Variants in GSE1 observed in about 807,000 individuals in gnomAD.
The protein encoded by GSE1 is Gse1 coiled-coil protein.
Under a neutral mutation model 112.6 loss-of-function variants are expected in GSE1, and 32 were observed. That is an observed-to-expected ratio of 0.28 (90% CI 0.21 to 0.38). The LOEUF (loss-of-function observed/expected upper bound fraction) is 0.38. Among genes scored for constraint, GSE1 ranks in the 10% least tolerant of loss-of-function variants. The probability of loss-of-function intolerance (pLI) is 1.00; values close to 1 mark genes in which losing one functional copy is unlikely to be tolerated. For synonymous variants in GSE1, 1,115 were observed against 735.6 expected (o/e 1.52, Z -8.35); for missense variants, 2,348 against 1,699.2 (o/e 1.38, Z -6.71).
intron 1 of GSE1, among the ~76,000 whole-genome samples, chr16:85,210,438 A>C (rs1210666434): frequency 6.6e-6 from 1 of 152,146 alleles, no homozygotes; most frequent in African/African-American, 2.4e-5. Flanking sequence ...CCCCATTTCT[A>C]CAAAAAAATT....
chr16:85,303,592 G>C (rs2045584843), intron 1 of GSE1, among the ~76,000 whole-genome samples: 1 of 152,226 alleles, frequency 6.6e-6, no homozygotes, highest in Non-Finnish European at 1.5e-5. Flanking sequence ...CCATTTTGTT[G>C]ACAGGAAGAC....
chr16:85,304,757 C>T (rs2045629569), intron 1 of GSE1, among the ~76,000 whole-genome samples: 1 of 152,178 alleles, frequency 6.6e-6, no homozygotes, highest in Non-Finnish European at 1.5e-5. Context: ...AGGGCCCTCT[C>T]GACTTCACTG....
intron 1 of GSE1, among the ~76,000 whole-genome samples, chr16:85,577,550 G>T (rs574535270): frequency 1.3e-5 from 2 of 152,132 alleles, no homozygotes; most frequent in Non-Finnish European, 2.9e-5. Context: ...TTTCTCCTTC[G>T]CACTAGCCCA....
chr16:85,461,108 C>T (rs2049955905), intron 2 of GSE1, among the ~76,000 whole-genome samples: 1 of 152,220 alleles, frequency 6.6e-6, no homozygotes, highest in Non-Finnish European at 1.5e-5. Context: ...GAGCTGGGCG[C>T]AGTGGAGGAC....
At position 85,666,232 on chromosome 16, in the gene GSE1, C is replaced by T. The variant is rs1230969950; in HGVS notation, c.3015C>T (p.Ser1005=). The T allele has an allele frequency of 3.1e-6, 5 of 1,613,618 alleles. No individual in the cohort carries two copies. The highest frequency in any genetic ancestry group is 1.3e-5 in the African/African-American group (1 of 74,934). The change falls in exon 13 of 16, where the codon TCC becomes TCT. Residue 1005 remains serine, a synonymous_variant. Coordinates refer to ENST00000253458, the MANE Select transcript of GSE1 (RefSeq NM_014615.5). ...AAPKDIPVPL[S]HSTNGKSKPW... is the part of the protein sequence containing the mutation. ...CCAAGGACATTCCTGTGCCGCTGTC[C>T]CACAGCACCAATGGGAAGAGCAAGC...
intron 1 of GSE1, among the ~76,000 whole-genome samples, chr16:85,332,191 C>T (rs1189621155): frequency 1.3e-5 from 2 of 152,132 alleles, no homozygotes; most frequent in Non-Finnish European, 2.9e-5. Flanking sequence ...AGGTAAAAAG[C>T]ACAACACCGC....
At chr16:85,576,593 C>T (rs2046237326) in intron 1 of GSE1, among the ~76,000 whole-genome samples, 1 of 152,176 alleles carries the variant, frequency 6.6e-6, no homozygotes, top group African/African-American at 2.4e-5. Flanking sequence ...GTCCCCAGAC[C>T]CTTTCTTCCT....
At chr16:85,369,225 C>CT (rs35586031) in intron 2 of GSE1, among the ~76,000 whole-genome samples, 90,884 of 151,254 alleles carry the variant, frequency 0.6, 29,050 homozygotes, top group Middle Eastern at 0.73. Flanking sequence ...TTGCTGCTGC[C>CT]TTTTTTTTGA....
At chr16:85,234,664 G>C (rs1904407709) in intron 1 of GSE1, among the ~76,000 whole-genome samples, 1 of 152,212 alleles carries the variant, frequency 6.6e-6, no homozygotes, top group Non-Finnish European at 1.5e-5. Context: ...GCCCAGGAGG[G>C]CAGATCTCAA....
chr16:85,370,133 T>C lies in GSE1; in HGVS notation c.2464+12490T>C, dbSNP rs78502288. On this transcript the variant is annotated intron_variant, in intron 2 of 2. Coordinates refer to the GSE1 transcript ENST00000637419. ...GGAGGTTCTGGGTGCAGTTTAGCGT[T>C]TTCCCAGGAGGTGGCGCAGTGAAGC... 1.6e-3 allele frequency among the ~76,000 whole-genome samples: 247 copies of C among 152,238 alleles called. 1 individual carries two copies. Among genetic ancestry groups the C allele is most frequent in the African/African-American group, 5.6e-3 (233 of 41,532 alleles).
chr16:85,357,191 G>A (rs2046967641), intron 1 of GSE1, among the ~76,000 whole-genome samples: 1 of 152,330 alleles, frequency 6.6e-6, no homozygotes, highest in African/African-American at 2.4e-5. Context: ...GTTTTGGATG[G>A]CCAAGAAGAT....
upstream of GSE1, among the ~76,000 whole-genome samples, chr16:85,611,711 C>T (rs1282674093): frequency 1.3e-5 from 2 of 152,124 alleles, no homozygotes; most frequent in African/African-American, 4.8e-5. Flanking sequence ...GCCCGCCAGA[C>T]CCTGCCCCCC....
At chr16:85,275,668 C>G (rs999775199) in intron 1 of GSE1, among the ~76,000 whole-genome samples, 2 of 152,188 alleles carry the variant, frequency 1.3e-5, no homozygotes, top group Non-Finnish European at 2.9e-5. Flanking sequence ...GGGAGGCAGT[C>G]AGGGTGAGGG....
At chr16:85,397,053 G>A (rs2151659853) in intron 2 of GSE1, among the ~76,000 whole-genome samples, 1 of 152,330 alleles carries the variant, frequency 6.6e-6, no homozygotes. Flanking sequence ...TGGGAAGAGG[G>A]TGCAGAGAGG....
chr16:85,635,368 C>A (rs566123478), intron 2 of GSE1, among the ~76,000 whole-genome samples: 1 of 152,198 alleles, frequency 6.6e-6, no homozygotes, highest in East Asian at 1.9e-4. Flanking sequence ...AAACCCTCCA[C>A]GCCCTTGGCA....
At chr16:85,573,064 A>G (rs561630445) in intron 1 of GSE1, among the ~76,000 whole-genome samples, 45 of 152,228 alleles carry the variant, frequency 3.0e-4, no homozygotes, top group African/African-American at 9.9e-4. Flanking sequence ...GGGTTTTGCC[A>G]TATTTGCCAG....
At chr16:85,522,511 TCCAG>T (rs2052221561) in intron 2 of GSE1, among the ~76,000 whole-genome samples, 1 of 139,324 alleles carries the variant, frequency 7.2e-6, no homozygotes, top group South Asian at 2.7e-4. Context: ...AGTGATTGGA[TCCAG>T]CCAGTGGTGC....
At chr16:85,282,386 G>C (rs932776362) in intron 1 of GSE1, among the ~76,000 whole-genome samples, 3 of 148,440 alleles carry the variant, frequency 2.0e-5, no homozygotes, top group African/African-American at 7.9e-5. Context: ...CTCTCACTGG[G>C]GTAGACTGAC....
At chr16:85,460,793 G>A (rs571223169) in intron 2 of GSE1, among the ~76,000 whole-genome samples, 9 of 151,566 alleles carry the variant, frequency 5.9e-5, no homozygotes, top group East Asian at 1.9e-4. Context: ...AACCAGGGAC[G>A]GCAATGGAGA....
Sources: allele counts gnomAD v4.1 joint callset (sites outside exome capture counted in the v4.1 genomes callset), GRCh38; gene constraint gnomAD v4.1.1; transcripts MANE v1.5; gene names NCBI Gene and HGNC (gene_info 2026-07-23, HGNC 2026-07-21).